The following TSPAN10 variants were observed in gnomAD, a reference collection of about 807,000 sequenced individuals.
TSPAN10 encodes tetraspanin-10.
In TSPAN10, 11 loss-of-function variants were observed where a neutral mutation model predicts 15.0. That is an observed-to-expected ratio of 0.73 (90% CI 0.46 to 1.21). TSPAN10 has a LOEUF of 1.21. Ranked by LOEUF, TSPAN10 falls within the 50% of genes most tolerant of loss-of-function variation. The probability of loss-of-function intolerance (pLI) is 0.00; values close to 1 mark genes in which losing one functional copy is unlikely to be tolerated. For synonymous variants in TSPAN10, 241 were observed against 226.2 expected (o/e 1.07, Z -0.59); for missense variants, 486 against 470.6 (o/e 1.03, Z -0.30).
chr17:81,648,336 AG>A, downstream of TSPAN10: 4 of 1,198,524 alleles, frequency 3.3e-6, no homozygotes, highest in South Asian at 4.2e-5. Context: ...ACAGGGATAC[AG>A]GGGGCGCCTC....
intron 1 of TSPAN10, among the ~76,000 whole-genome samples, 166 bp downstream of exon 2, chr17:81,642,614 C>G (rs1464770487): frequency 6.6e-6 from 1 of 152,194 alleles, no homozygotes; most frequent in South Asian, 2.1e-4. Context: ...AGCCCCCTCC[C>G]CCTTCCCCAC....
intron 1 of TSPAN10, among the ~76,000 whole-genome samples, chr17:81,642,934 G>A (rs369804373): frequency 2.6e-5 from 4 of 151,472 alleles, no homozygotes; most frequent in African/African-American, 7.3e-5. Context: ...GGAAGATTGC[G>A]TGAGCCCAGG....
chr17:81,644,621 G>C (rs2036218322), intron 1 of TSPAN10, among the ~76,000 whole-genome samples: 1 of 152,216 alleles, frequency 6.6e-6, no homozygotes, highest in African/African-American at 2.4e-5. Flanking sequence ...GGGAAAGCCA[G>C]GGCGACCCTG....
In TSPAN10 at chr17:81,645,779, C is replaced by G. The variant is rs2036244870; in HGVS notation, c.674+150C>G. The stretch of plus-strand genomic sequence containing the variant: ...CGTATACCCACATGTACACGCATAT[C>G]CACACTGGCACGTCTCGTGCTCACA... On this transcript the variant is annotated intron_variant, in intron 2 of 2. Transcript: ENST00000611590. 50 of 1,026,912 alleles carry G rather than the reference C, an allele frequency of 4.9e-5. 1 individual carries two copies. In the South Asian group the frequency reaches 5.4e-4, roughly 11 times the overall value. 63.6% of individuals were successfully genotyped at this position (1,026,912 alleles called of 1,614,324 possible). A position where few individuals can be genotyped will look rare whatever the true frequency, so the allele number is the denominator to read the frequency against.
intron 2 of TSPAN10, chr17:81,646,428 CT>C: frequency 6.6e-6 from 1 of 152,194 alleles, no homozygotes; most frequent in Non-Finnish European, 1.5e-5. Context: ...GCCTGTAATC[CT>C]AGCACTTTGG....
At chr17:81,642,302 C>G, upstream of TSPAN10, 2 of 1,331,958 alleles carry the variant, frequency 1.5e-6, no homozygotes, top group South Asian at 2.4e-5. Context: ...CTGCACTGTT[C>G]ACAGACTAGC....
At position 81,647,911 on chromosome 17, in the gene TSPAN10, T is replaced by TAACC; in HGVS notation, c.685_686insAACC (p.Cys229Ter). 6.2e-7 allele frequency: 1 copy of TAACC among 1,603,766 alleles called. No homozygotes were observed. The highest frequency in any genetic ancestry group is 1.1e-5 in the South Asian group (1 of 90,390). ...CCATGCGCCTTGCAGGTACTTTAAC[T>TAACC]GCAGCTCCCCCGGGGTGCAGGCCTG... On this transcript the variant is annotated stop_gained and frameshift_variant, in exon 3 of 3. Coordinates refer to ENST00000611590, the Ensembl canonical transcript of TSPAN10. LOFTEE classifies it low-confidence loss of function (END_TRUNC).
chr17:81,645,835 ACTC>A (rs2036245556), intron 2 of TSPAN10: 1 of 659,128 alleles, frequency 1.5e-6, no homozygotes, highest in Non-Finnish European at 2.6e-6. Flanking sequence ...ACACCTACAC[ACTC>A]CTCTACACTG....
chr17:81,646,180 T>G (rs1449066332), intron 2 of TSPAN10: 1 of 170,298 alleles, frequency 5.9e-6, no homozygotes, highest in African/African-American at 2.4e-5. Context: ...TCACCTGAAG[T>G]CAGGAGTTCA....
At chr17:81,642,875 G>A (rs1295247251) in intron 1 of TSPAN10, among the ~76,000 whole-genome samples, 1 of 152,036 alleles carries the variant, frequency 6.6e-6, no homozygotes, top group Non-Finnish European at 1.5e-5. Context: ...TCTGGGGCCG[G>A]GCACAGTGGC....
chr17:81,644,985 T>G lies in TSPAN10; in HGVS notation c.37-7T>G. On this transcript the variant is annotated splice_region_variant and splice_polypyrimidine_tract_variant and intron_variant, in intron 1 of 2. Coordinates refer to ENST00000611590, the Ensembl canonical transcript of TSPAN10. Reference sequence around the variant, plus strand: ...GCGGTCTCACCCTGTTCCTCTTCCCTCTGCAGGAAACTGCAGGCCAGAAGC... The same window carrying G: ...GCGGTCTCACCCTGTTCCTCTTCCCGCTGCAGGAAACTGCAGGCCAGAAGC... 2 of 1,610,224 alleles carry G rather than the reference T, an allele frequency of 1.2e-6. No individual in the cohort carries two copies. Among genetic ancestry groups the G allele is most frequent in the East Asian group, 4.5e-5 (2 of 44,812 alleles).
chr17:81,637,644 C>T, upstream of TSPAN10: 1 of 457,102 alleles, frequency 2.2e-6, no homozygotes, highest in South Asian at 2.7e-5. Context: ...ACTCAAAATA[C>T]AAAATTAGGC....
chr17:81,640,304 T>A (rs1446203064), upstream of TSPAN10, among the ~76,000 whole-genome samples: 1 of 152,070 alleles, frequency 6.6e-6, no homozygotes, highest in African/African-American at 2.4e-5. Context: ...TTCTTATACC[T>A]CTCTCCTTAG....
intron 1 of TSPAN10, 92 bp downstream of exon 2, chr17:81,642,540 C>A: frequency 7.4e-7 from 1 of 1,342,408 alleles, no homozygotes; most frequent in Non-Finnish European, 1.0e-6. Flanking sequence ...TCACACCCAC[C>A]CCTGCCCCTG....
chr17:81,640,989 A>G (rs1372381885), upstream of TSPAN10, among the ~76,000 whole-genome samples: 2 of 152,118 alleles, frequency 1.3e-5, no homozygotes, highest in South Asian at 4.2e-4. Context: ...ACTGGCCAAC[A>G]TGGTGAAACC....
chr17:81,640,472 T>C (rs2036168467), upstream of TSPAN10, among the ~76,000 whole-genome samples: 1 of 151,766 alleles, frequency 6.6e-6, no homozygotes, highest in Non-Finnish European at 1.5e-5. Flanking sequence ...TATTTAGGGA[T>C]GGAGTCTTGC....
chr17:81,645,249 G>A (rs1568179860), exon 2 of TSPAN10: 11 of 1,535,074 alleles, frequency 7.2e-6, no homozygotes, highest in Non-Finnish European at 9.6e-6. Context: ...TGGCCATCGG[G>A]CTCTGGGGCC....
In TSPAN10 at chr17:81,647,985, TG is replaced by T; in HGVS notation, c.760del (p.Val254SerfsTer?). ...TCGACCCCCGCGAAGATGGAGCCTC[TG>T]TCAACGACCAGTGCGGCTTCGGGGT... On this transcript the variant is annotated frameshift_variant, in exon 3 of 3. Coordinates refer to ENST00000611590, the Ensembl canonical transcript of TSPAN10. LOFTEE classifies it low-confidence loss of function (END_TRUNC). 6.2e-7 allele frequency: 1 copy of T among 1,611,442 alleles called. No individual in the cohort carries two copies. Among genetic ancestry groups the T allele is most frequent in the Non-Finnish European group, 8.5e-7 (1 of 1,179,344 alleles).
chr17:81,645,541 G>A lies in TSPAN10; in HGVS notation c.586G>A (p.Asp196Asn), dbSNP rs374373317. ...TGTGGCCATCGCCCACTACCAGGAC[G>A]ACCCAGACCTGCGCTTCCTCCTCGA... The change falls in exon 2 of 3, where the codon GAC becomes AAC. Residue 196 changes from aspartate (D) to asparagine (N), a missense_variant. Transcript: ENST00000611590. 80 of 1,606,002 alleles carry A rather than the reference G, an allele frequency of 5.0e-5. No individual in the cohort carries two copies. Among genetic ancestry groups the A allele is most frequent in the Non-Finnish European group, 5.9e-5 (70 of 1,177,188 alleles).
Sources: gnomAD v4.1 joint callset for allele counts (sites outside exome capture counted in the v4.1 genomes callset) on GRCh38, gnomAD v4.1.1 for gene constraint, MANE v1.5 for transcripts, NCBI Gene and HGNC (gene_info 2026-07-23, HGNC 2026-07-21) for gene names.